FERMT1: variants seen among roughly 807,000 people sequenced by gnomAD.
FERMT1 encodes fermitin family homolog 1.
In FERMT1, 60 loss-of-function variants were observed where a neutral mutation model predicts 85.3. The observed-to-expected ratio is 0.70, with a 90% CI of 0.57 to 0.87. The LOEUF is 0.87. Ranked by LOEUF, FERMT1 falls within the 40% of genes least tolerant of loss-of-function variation. The pLI is 0.00. For missense variants in FERMT1, 701 were observed against 818.9 expected (o/e 0.86, Z 1.76); for synonymous variants, 275 against 301.1 (o/e 0.91, Z 0.90).
intron 2 of FERMT1, among the ~76,000 whole-genome samples, chr20:6,116,494 T>C (rs1030693919): frequency 6.6e-6 from 1 of 152,086 alleles, no homozygotes; most frequent in Non-Finnish European, 1.5e-5. Context: ...TTTGGGAGGC[T>C]GATGCAAGCG....
At chr20:6,115,552 G>T (rs1292581467) in intron 3 of FERMT1, among the ~76,000 whole-genome samples, 1 of 152,186 alleles carries the variant, frequency 6.6e-6, no homozygotes. Context: ...GGCAATCTTA[G>T]TGGTTTATCT....
chr20:6,107,934 C>T (rs532235906), intron 5 of FERMT1, among the ~76,000 whole-genome samples: 69 of 152,312 alleles, frequency 4.5e-4, no homozygotes, highest in African/African-American at 1.6e-3. Flanking sequence ...GGTGCAGTCT[C>T]GGCTCACTGC....
intron 1 of FERMT1, among the ~76,000 whole-genome samples, chr20:6,122,424 G>T (rs183063266): frequency 4.6e-5 from 7 of 152,318 alleles, no homozygotes; most frequent in Non-Finnish European, 7.4e-5. Flanking sequence ...AGATGAGGGG[G>T]AAACAGTCCC....
intron 7 of FERMT1, 100 bp from the exon 8 acceptor site, chr20:6,097,133 G>T: frequency 8.6e-7 from 1 of 1,164,128 alleles, no homozygotes; most frequent in Non-Finnish European, 1.3e-6. Flanking sequence ...TATTCCCTTG[G>T]AATACTGAAC....
chr20:6,113,181 C>G (rs985703236), intron 3 of FERMT1, among the ~76,000 whole-genome samples: 1 of 152,182 alleles, frequency 6.6e-6, no homozygotes, highest in Non-Finnish European at 1.5e-5. Context: ...TTTCCCCGCA[C>G]AAGCTCTCTC....
chr20:6,087,374 C>A (rs1982215420), intron 11 of FERMT1, among the ~76,000 whole-genome samples: 1 of 152,124 alleles, frequency 6.6e-6, no homozygotes, highest in Non-Finnish European at 1.5e-5. Flanking sequence ...GCGGTGGTGC[C>A]ATCTTGGCTC....
intron 5 of FERMT1, among the ~76,000 whole-genome samples, chr20:6,108,346 A>G (rs16991857): frequency 0.18 from 27,308 of 152,286 alleles, 2,955 homozygotes; most frequent in East Asian, 0.47. Context: ...CAGTAAGCAC[A>G]TAATAATAGC....
rs117658322 is a variant in FERMT1 at position 6,095,733 on chromosome 20, T to A, written c.1090-745A>T. Among the ~76,000 whole-genome samples, 489 of 152,374 alleles carry A rather than the reference T, an allele frequency of 3.2e-3. 3 individuals are homozygous for A. Among genetic ancestry groups the A allele is most frequent in the South Asian group, 0.023 (112 of 4,826 alleles). ...CCAAGTTCATGGGGCCTATGTCTTC[T>A]ATAAACGTGACACAGGGCCCTGCAT... On this transcript the variant is annotated intron_variant, in intron 8 of 14. Coordinates refer to ENST00000217289, the MANE Select transcript of FERMT1 (RefSeq NM_017671.5).
chr20:6,079,484 C>G lies in FERMT1; in HGVS notation c.1812G>C (p.Trp604Cys). 6.2e-7 allele frequency: 1 copy of G among 1,614,048 alleles called. No homozygotes were observed. Among genetic ancestry groups the G allele is most frequent in the Non-Finnish European group, 8.5e-7 (1 of 1,179,958 alleles). The change falls in exon 14 of 15, where the codon TGG (tryptophan) becomes TGC (cysteine). Residue 604 changes from tryptophan (W) to cysteine (C), a missense_variant. Physicochemically the swap from Trp to Cys is radical, Grantham distance 215. Coordinates refer to ENST00000217289, the MANE Select transcript of FERMT1 (RefSeq NM_017671.5). ...DAATGIPVTT[W>C]RFTNIKQWNV... ...TCCACTGTTTGATATTTGTGAATCT[C>G]CATGTTGTCACTGGAATCCCGGTGG... is the stretch of plus-strand genomic sequence containing the variant.
chr20:6,110,417 G>T lies in FERMT1; in HGVS notation c.627C>A (p.Ser209Arg). ...ASSTMTWFSDSPLTEQNCSIL... is the reference protein window; with the variant it reads ...ASSTMTWFSDRPLTEQNCSIL... ...TGCTGCAGTTTTGTTCCGTCAAAGG[G>T]CTGTCACTGAACCAAGTCATGGTGG... Residue 209 changes from serine to arginine, a missense_variant, in exon 5 of 15, where the codon AGC becomes AGA. By Grantham distance (110) the Ser-to-Arg change is moderately radical. Coordinates refer to ENST00000217289, the MANE Select transcript of FERMT1 (RefSeq NM_017671.5). The T allele has an allele frequency of 6.2e-7, 1 of 1,614,094 alleles. No individual in the cohort carries two copies. Among genetic ancestry groups the T allele is most frequent in the Non-Finnish European group, 8.5e-7 (1 of 1,180,004 alleles).
At chr20:6,113,545 C>A (rs1182915088) in intron 3 of FERMT1, among the ~76,000 whole-genome samples, 2 of 152,216 alleles carry the variant, frequency 1.3e-5, no homozygotes, top group Admixed American at 1.3e-4. Flanking sequence ...TTGGTCCTCA[C>A]CATTTCAGCA....
chr20:6,094,199 C>G (rs869312728), intron 9 of FERMT1: 1 of 152,172 alleles, frequency 6.6e-6, no homozygotes, highest in Non-Finnish European at 1.5e-5. Context: ...GTGAAGTGCC[C>G]GTTGGTTAAG....
rs142987152 is a variant in FERMT1, at chr20:6,107,608, A to G, written c.773T>C (p.Met258Thr). Residue 258 changes from methionine to threonine, a missense_variant, in exon 6 of 15, where the codon ATG (methionine) becomes ACG (threonine). Coordinates refer to ENST00000217289, the MANE Select transcript of FERMT1 (RefSeq NM_017671.5). ...CTCATCCTCTTGGATGCCTTGTTCC[A>G]TAAGGGAGCGTGAGGAGTCTAGCCA... ...AGWLDSSRSLMEQGIQEDEQL... is the reference protein window; with the variant it reads ...AGWLDSSRSLTEQGIQEDEQL... The G allele has an allele frequency of 4.0e-5, 65 of 1,612,168 alleles. No individual in the cohort carries two copies. In the African/African-American group the frequency reaches 5.6e-4, roughly 14 times the overall value.
intron 1 of FERMT1, among the ~76,000 whole-genome samples, chr20:6,121,282 C>T (rs546363155): frequency 2.0e-5 from 3 of 152,180 alleles, no homozygotes; most frequent in Non-Finnish European, 4.4e-5. Flanking sequence ...CCACCACGCC[C>T]GGTTAATTTT....
chr20:6,104,992 G>A lies in FERMT1; in HGVS notation c.849+2540C>T, dbSNP rs61527455. 0.079 allele frequency among the ~76,000 whole-genome samples: 11,985 copies of A among 152,142 alleles called. 1,033 individuals are homozygous for A. The highest frequency in any genetic ancestry group is 0.46 in the East Asian group (2,395 of 5,160). On this transcript the variant is annotated intron_variant, in intron 6 of 14. Coordinates refer to ENST00000217289, the MANE Select transcript of FERMT1 (RefSeq NM_017671.5). The surrounding 1 kb of genome is among the most constrained non-coding windows in gnomAD (Gnocchi z 4.2). ...CTCTTGGCAAAGAAACTGCTGGAAG[G>A]GTCCCCAAGGACCCTATGAGTCCTT...
rs568177753 is a variant in FERMT1 at position 6,096,983 on chromosome 20, G to A, written c.1008C>T (p.Gly336=). ...CTTCTATTTCATCAACCTCGGACTC[G>A]CCTGCAAAATCCTGTGTTTCAGCAG... is the stretch of plus-strand genomic sequence containing the variant. ...SLSAETQDFA[G]ESEVDEIEAA... is the part of the protein sequence containing the mutation. The change falls in exon 8 of 15, where the codon GGC becomes GGT. Residue 336 remains glycine, a synonymous_variant. Transcript: ENST00000217289. The A allele has an allele frequency of 5.6e-6, 9 of 1,613,836 alleles. No individual in the cohort carries two copies. The African/African-American group carries it at 6.7e-5, about 12-fold the overall frequency.
chr20:6,084,533 A>G (rs181230655), intron 12 of FERMT1, among the ~76,000 whole-genome samples: 11 of 152,314 alleles, frequency 7.2e-5, no homozygotes, highest in Non-Finnish European at 4.4e-5. Context: ...TGAGAACTAA[A>G]TAAGTTCAAT....
Position 6,091,125 on chromosome 20 carries a change from C to T in FERMT1, c.1140-2036G>A, listed in dbSNP as rs140948443. 4.7e-3 allele frequency among the ~76,000 whole-genome samples: 714 copies of T among 151,918 alleles called. 7 individuals carry two copies. Among genetic ancestry groups the T allele is most frequent in the African/African-American group, 0.017 (688 of 41,448 alleles). ...CTGCAGTGAGCCGAGATCACGCCAC[C>T]GCACTCCAGCTTGGGTGACAGAGCA... On this transcript the variant is annotated intron_variant, in intron 9 of 14. Transcript: ENST00000217289.
At position 6,102,315 on chromosome 20, in the gene FERMT1, T is replaced by G. The variant is rs2123126742; in HGVS notation, c.850-4684A>C. Reference sequence around the variant, plus strand: ...CTCTTTCAGTGGGTTCTCCAGTGACTTAGAAACAAATTTTTTCCTTGGTGG... The same window carrying G: ...CTCTTTCAGTGGGTTCTCCAGTGACGTAGAAACAAATTTTTTCCTTGGTGG... On this transcript the variant is annotated intron_variant, in intron 6 of 14. Transcript: ENST00000217289. Among the ~76,000 whole-genome samples the G allele has an allele frequency of 2.0e-5, 3 of 152,154 alleles. No individual in the cohort carries two copies. In the Middle Eastern group the frequency reaches 0.01, roughly 518 times the overall value.
Sources: gnomAD v4.1 joint callset for allele counts (sites outside exome capture counted in the v4.1 genomes callset) on GRCh38, gnomAD v4.1.1 for gene constraint, Gnocchi (gnomAD v3.1) non-coding constraint, MANE v1.5 for transcripts, NCBI Gene and HGNC (gene_info 2026-07-23, HGNC 2026-07-21) for gene names.